Variants in PTPRT observed in about 807,000 individuals in gnomAD.
The protein encoded by PTPRT is receptor-type tyrosine-protein phosphatase T.
In PTPRT, 56 loss-of-function variants were observed where a neutral mutation model predicts 176.8. The ratio of observed to expected loss-of-function variants is 0.32; its 90% CI spans 0.26 to 0.40. PTPRT has a LOEUF of 0.40. Among genes scored for constraint, PTPRT ranks in the 10% least tolerant of loss-of-function variants. The pLI, the probability that PTPRT is intolerant of heterozygous loss-of-function variation, is 1.00. For synonymous variants in PTPRT, 783 were observed against 739.0 expected, an observed-to-expected ratio of 1.06 and a Z score of -0.96; for missense variants, 1,540 against 1,908.2, an observed-to-expected ratio of 0.81 and a Z score of 3.60.
At chr20:43,007,907 G>A (rs532695654) in intron 1 of PTPRT, among the ~76,000 whole-genome samples, 13 of 152,276 alleles carry the variant, frequency 8.5e-5, no homozygotes, top group African/African-American at 3.1e-4. Flanking sequence ...TGTAAAATGG[G>A]TGAAGCAATA....
intron 1 of PTPRT, among the ~76,000 whole-genome samples, chr20:43,083,351 T>TACAC (rs1555828987): frequency 3.5e-5 from 4 of 114,318 alleles, no homozygotes; most frequent in African/African-American, 1.0e-4. Flanking sequence ...TATATATATA[T>TACAC]ATATATATAT....
Position 43,043,528 on chromosome 20 carries a change from C to T in PTPRT, c.88+146118G>A, listed in dbSNP as rs544817917. ...AGATTTGAATGTTGACCCTGTTTTA[C>T]AAATGAAGAAATCAGGTCTCAGAGA... On this transcript the variant is annotated intron_variant, in intron 1 of 30. Coordinates refer to ENST00000373187, the MANE Select transcript of PTPRT (RefSeq NM_007050.6). 1.3e-3 allele frequency among the ~76,000 whole-genome samples: 204 copies of T among 152,266 alleles called. 1 individual carries two copies. Among genetic ancestry groups the T allele is most frequent in the Middle Eastern group, 6.8e-3 (2 of 294 alleles).
intron 19 of PTPRT, among the ~76,000 whole-genome samples, 160 bp from the exon 20 acceptor site, chr20:42,120,131 G>A (rs972947498): frequency 5.9e-5 from 9 of 152,164 alleles, no homozygotes; most frequent in African/African-American, 2.2e-4. Context: ...ATGAGATATT[G>A]CACATAAAGT....
chr20:42,298,850 G>A (rs1438142275), intron 12 of PTPRT, among the ~76,000 whole-genome samples: 6 of 152,112 alleles, frequency 3.9e-5, no homozygotes, highest in Non-Finnish European at 7.4e-5. Context: ...GAACCCAGGA[G>A]GGGGAGGTTG....
chr20:42,245,682 C>T (rs955339603), intron 14 of PTPRT, among the ~76,000 whole-genome samples: 2 of 152,080 alleles, frequency 1.3e-5, no homozygotes, highest in Non-Finnish European at 2.9e-5. Flanking sequence ...AAAAGGAAAC[C>T]CCTAACAGGA....
At chr20:42,541,171 T>C (rs1248112111) in intron 7 of PTPRT, among the ~76,000 whole-genome samples, 1 of 152,150 alleles carries the variant, frequency 6.6e-6, no homozygotes, top group African/African-American at 2.4e-5. Flanking sequence ...CAACACCCCA[T>C]AGGTTAATTC....
chr20:42,753,357 G>A (rs2076790190), intron 6 of PTPRT, among the ~76,000 whole-genome samples: 1 of 152,156 alleles, frequency 6.6e-6, no homozygotes, highest in Non-Finnish European at 1.5e-5. Flanking sequence ...ATATGTTGAA[G>A]GGACTTCTTT....
Position 43,143,419 on chromosome 20 carries a change from C to T in PTPRT, c.88+46227G>A, listed in dbSNP as rs376578882. Among the ~76,000 whole-genome samples the T allele has an allele frequency of 7.9e-5, 12 of 152,212 alleles. No homozygotes were observed. In the East Asian group the frequency reaches 1.2e-3, roughly 15 times the overall value. ...TTGAATAAAATCTAAAACTTACACACTTGTGCATTCATTCATTCAACAAAA... is the reference window on the plus strand; with the variant it reads ...TTGAATAAAATCTAAAACTTACACATTTGTGCATTCATTCATTCAACAAAA... On this transcript the variant is annotated intron_variant, in intron 1 of 30. Coordinates refer to ENST00000373187, the MANE Select transcript of PTPRT (RefSeq NM_007050.6).
chr20:42,656,246 AG>A (rs1360903870), intron 7 of PTPRT, among the ~76,000 whole-genome samples: 1 of 152,104 alleles, frequency 6.6e-6, no homozygotes, highest in Admixed American at 6.6e-5. Context: ...AGGAAAATAG[AG>A]GGATGGATGT....
At chr20:42,652,549 C>T (rs1485397892) in intron 7 of PTPRT, among the ~76,000 whole-genome samples, 1 of 152,166 alleles carries the variant, frequency 6.6e-6, no homozygotes, top group Non-Finnish European at 1.5e-5. Context: ...CATCCCCCTC[C>T]CCTTCACTCA....
chr20:42,110,271 C>A, intron 23 of PTPRT, 62 bp downstream of exon 23: 1 of 1,487,018 alleles, frequency 6.7e-7, no homozygotes, highest in South Asian at 1.4e-5. Flanking sequence ...AGGCTGGTCT[C>A]GAACTCCTGA....
At chr20:42,169,868 G>C (rs1170459509) in intron 16 of PTPRT, among the ~76,000 whole-genome samples, 1 of 151,426 alleles carries the variant, frequency 6.6e-6, no homozygotes, top group African/African-American at 2.4e-5. Context: ...CGTATGACTT[G>C]GTGGGGGCGG....
intron 1 of PTPRT, among the ~76,000 whole-genome samples, chr20:43,114,873 T>C (rs973374686): frequency 2.6e-5 from 4 of 152,180 alleles, no homozygotes; most frequent in African/African-American, 4.8e-5. Context: ...TGAATATTAA[T>C]GGAGTGGGAA....
rs920768013 is a variant in PTPRT at position 42,164,164 on chromosome 20, G to A, written c.2492-2622C>T. On this transcript the variant is annotated intron_variant, in intron 16 of 30. Transcript: ENST00000373187. ...CCACCAAAGCTACCATCAAACATGGGGACAGTTGTCTTCAGAGACCCACAG... is the reference window on the plus strand; with the variant it reads ...CCACCAAAGCTACCATCAAACATGGAGACAGTTGTCTTCAGAGACCCACAG... Among the ~76,000 whole-genome samples, 7 of 152,186 alleles carry A rather than the reference G, an allele frequency of 4.6e-5. No individual in the cohort carries two copies. The East Asian group carries it at 1.3e-3, about 29-fold the overall frequency.
intron 1 of PTPRT, among the ~76,000 whole-genome samples, chr20:42,990,609 A>C (rs1052627816): frequency 1.3e-5 from 2 of 152,212 alleles, no homozygotes; most frequent in African/African-American, 2.4e-5. Context: ...TGTGTTCAAC[A>C]CAATAGTGAA....
intron 1 of PTPRT, among the ~76,000 whole-genome samples, chr20:43,157,530 T>A (rs1320913292): frequency 1.3e-5 from 2 of 151,764 alleles, no homozygotes. Context: ...TGGGAGGGAG[T>A]GGGCACTTTG....
At chr20:42,430,186 A>G (rs1029294244) in intron 9 of PTPRT, among the ~76,000 whole-genome samples, 1 of 152,206 alleles carries the variant, frequency 6.6e-6, no homozygotes, top group Admixed American at 6.5e-5. Context: ...CACGGTCCAC[A>G]GATATAACTG....
At chr20:43,128,161 G>A (rs2013514439) in intron 1 of PTPRT, among the ~76,000 whole-genome samples, 1 of 152,232 alleles carries the variant, frequency 6.6e-6, no homozygotes, top group South Asian at 2.1e-4. Flanking sequence ...GTGAGAAGCA[G>A]AGCAAGTCTG....
intron 7 of PTPRT, among the ~76,000 whole-genome samples, chr20:42,634,104 T>A (rs1368180378): frequency 1.8e-5 from 1 of 56,152 alleles, no homozygotes; most frequent in African/African-American, 9.7e-5. Flanking sequence ...AATATATATA[T>A]TATAATAATA....
Sources: gnomAD v4.1 joint callset for allele counts (sites outside exome capture counted in the v4.1 genomes callset) on GRCh38, gnomAD v4.1.1 for gene constraint, MANE v1.5 for transcripts, NCBI Gene and HGNC (gene_info 2026-07-23, HGNC 2026-07-21) for gene names.